GRIP1: variants seen among roughly 807,000 people sequenced by gnomAD.
GRIP1 encodes the protein glutamate receptor-interacting protein 1.
Under a neutral mutation model 129.9 loss-of-function variants are expected in GRIP1, and 45 were observed. The observed-to-expected ratio is 0.35, with a 90% CI of 0.27 to 0.44. The LOEUF is 0.44. GRIP1 is among the 20% of genes least tolerant of loss of function. The probability of loss-of-function intolerance (pLI) is 1.00; values close to 1 mark genes in which losing one functional copy is unlikely to be tolerated. For synonymous variants in GRIP1, 530 were observed against 520.8 expected (o/e 1.02, Z -0.24); for missense variants, 1,196 against 1,396.8 (o/e 0.86, Z 2.29).
chr12:66,531,217 CAG>C (rs1260371136), intron 4 of GRIP1, among the ~76,000 whole-genome samples: 6 of 129,558 alleles, frequency 4.6e-5, no homozygotes, highest in African/African-American at 1.7e-4. Context: ...GCCTGGGTGA[CAG>C]AGTGAGACTC....
chr12:66,984,853 G>A (rs1406350898), intron 1 of GRIP1, among the ~76,000 whole-genome samples: 1 of 152,174 alleles, frequency 6.6e-6, no homozygotes, highest in Non-Finnish European at 1.5e-5. Flanking sequence ...CTACTGCTGT[G>A]AAATAAACCA....
At chr12:66,908,530 A>G (rs572767253) in intron 1 of GRIP1, among the ~76,000 whole-genome samples, 8 of 152,366 alleles carry the variant, frequency 5.3e-5, no homozygotes, top group African/African-American at 1.9e-4. Context: ...TGGGGTAGAC[A>G]CTGTATTAAA....
chr12:66,566,951 T>C (rs2062784104), intron 2 of GRIP1, among the ~76,000 whole-genome samples: 1 of 152,174 alleles, frequency 6.6e-6, no homozygotes, highest in Admixed American at 6.5e-5. Context: ...TGATGGTAGT[T>C]TGTATTTCCG....
intron 1 of GRIP1, among the ~76,000 whole-genome samples, chr12:66,710,071 G>A (rs1405239818): frequency 6.6e-6 from 1 of 151,912 alleles, no homozygotes; most frequent in African/African-American, 2.4e-5. Flanking sequence ...TGAGGCAATG[G>A]TTGCCAGGTT....
At chr12:66,381,601 A>C (rs1019998034) in intron 19 of GRIP1, among the ~76,000 whole-genome samples, 1 of 152,180 alleles carries the variant, frequency 6.6e-6, no homozygotes, top group East Asian at 1.9e-4. Flanking sequence ...ATTAACCCCG[A>C]TGACCACTGA....
chr12:66,656,414 C>T (rs2033160926), intron 1 of GRIP1, among the ~76,000 whole-genome samples: 1 of 152,138 alleles, frequency 6.6e-6, no homozygotes, highest in Non-Finnish European at 1.5e-5. Flanking sequence ...GCTTGTACTT[C>T]AGCCTGGCAA....
chr12:66,997,249 C>T (rs2042481360), intron 1 of GRIP1, among the ~76,000 whole-genome samples: 1 of 149,098 alleles, frequency 6.7e-6, no homozygotes, highest in Non-Finnish European at 1.5e-5. Context: ...GTTTGCTGCT[C>T]CCACCAAGAT....
chr12:66,793,291 C>G (rs1263296287), intron 1 of GRIP1, among the ~76,000 whole-genome samples: 1 of 152,142 alleles, frequency 6.6e-6, no homozygotes, highest in African/African-American at 2.4e-5. Context: ...TGTCACAGCC[C>G]TCCTGCTCTT....
rs74098176 is a variant in GRIP1 at position 67,019,229 on chromosome 12, G to A, written c.58+49821C>T. Reference sequence around the variant, plus strand: ...GCACAATACACACGCACGAATATGCGTCTACAGGAGAAACAGGCAGTCCAA... The same window carrying A: ...GCACAATACACACGCACGAATATGCATCTACAGGAGAAACAGGCAGTCCAA... On this transcript the variant is annotated intron_variant, in intron 1 of 1. Coordinates refer to the GRIP1 transcript ENST00000643019. Among the ~76,000 whole-genome samples the A allele has an allele frequency of 5.3e-3, 808 of 152,220 alleles. 7 individuals carry two copies. The highest frequency in any genetic ancestry group is 0.018 in the African/African-American group (739 of 41,520).
At chr12:66,463,953 C>T (rs1258540147) in intron 8 of GRIP1, among the ~76,000 whole-genome samples, 1 of 152,152 alleles carries the variant, frequency 6.6e-6, no homozygotes, top group East Asian at 1.9e-4. Context: ...GGATCAATGG[C>T]TGTCACTGAT....
intron 2 of GRIP1, among the ~76,000 whole-genome samples, chr12:66,565,754 T>G (rs1333932476): frequency 6.6e-6 from 1 of 152,232 alleles, no homozygotes; most frequent in Non-Finnish European, 1.5e-5. Context: ...TTCCTATCCA[T>G]GAGCATGGAA....
chr12:66,504,262 T>C lies in GRIP1; in HGVS notation c.724+11357A>G, dbSNP rs144708450. ...GCAAATTCCAACTTCTCAAAAACAT[T>C]GTGAAGGCTGAAAAATACATGTTCC... is the stretch of plus-strand genomic sequence containing the variant. On this transcript the variant is annotated intron_variant, in intron 7 of 24. Transcript: ENST00000359742. Among the ~76,000 whole-genome samples the C allele has an allele frequency of 9.9e-3, 1,501 of 152,298 alleles. 23 individuals carry two copies. The highest frequency in any genetic ancestry group is 0.032 in the African/African-American group (1,346 of 41,566).
chr12:66,428,678 T>C (rs755194809), intron 14 of GRIP1, among the ~76,000 whole-genome samples: 1 of 152,136 alleles, frequency 6.6e-6, no homozygotes, highest in Non-Finnish European at 1.5e-5. Context: ...CCCAGCTGAG[T>C]TGTTCTTTCC....
At chr12:66,576,997 A>T (rs1466449262) in intron 2 of GRIP1, among the ~76,000 whole-genome samples, 1 of 152,186 alleles carries the variant, frequency 6.6e-6, no homozygotes, top group Non-Finnish European at 1.5e-5. Context: ...GGTTTTCTTG[A>T]ACTCTGTTCT....
At chr12:66,510,877 T>C (rs2060677227) in intron 7 of GRIP1, among the ~76,000 whole-genome samples, 1 of 152,158 alleles carries the variant, frequency 6.6e-6, no homozygotes, top group African/African-American at 2.4e-5. Flanking sequence ...GCCATAAGCA[T>C]GTCTCACTGG....
chr12:66,947,815 T>C (rs2041695829), intron 1 of GRIP1, among the ~76,000 whole-genome samples: 1 of 152,184 alleles, frequency 6.6e-6, no homozygotes, highest in African/African-American at 2.4e-5. Flanking sequence ...AATAACCAAG[T>C]ACAAGACACA....
chr12:66,751,515 A>C (rs748898760), intron 1 of GRIP1, among the ~76,000 whole-genome samples: 8 of 152,192 alleles, frequency 5.3e-5, no homozygotes, highest in Non-Finnish European at 1.2e-4. Context: ...CCAGGGCATG[A>C]TGACTGAATG....
chr12:66,751,593 G>C (rs911313261), intron 1 of GRIP1, among the ~76,000 whole-genome samples: 3 of 152,134 alleles, frequency 2.0e-5, no homozygotes, highest in Non-Finnish European at 4.4e-5. Context: ...CTTTCTGCTG[G>C]TGTGAACACC....
At chr12:66,835,631 C>T (rs998758721) in intron 1 of GRIP1, among the ~76,000 whole-genome samples, 3 of 152,092 alleles carry the variant, frequency 2.0e-5, no homozygotes, top group African/African-American at 4.8e-5. Context: ...ATGCATATTA[C>T]TAAGTGAAAA....
Sources: allele counts gnomAD v4.1 joint callset (sites outside exome capture counted in the v4.1 genomes callset), GRCh38; gene constraint gnomAD v4.1.1; transcripts MANE v1.5; gene names NCBI Gene and HGNC (gene_info 2026-07-23, HGNC 2026-07-21).